NXPH1: variants seen among roughly 807,000 people sequenced by gnomAD.
The protein encoded by NXPH1 is neurexophilin-1.
Under a neutral mutation model 23.7 loss-of-function variants are expected in NXPH1, and 5 were observed. That is an observed-to-expected ratio of 0.21 (90% CI 0.11 to 0.44). The LOEUF (loss-of-function observed/expected upper bound fraction) is 0.44, where lower values mean the gene tolerates loss of function less well. Among genes scored for constraint, NXPH1 ranks in the 20% least tolerant of loss-of-function variants. NXPH1 has a pLI of 0.99. For synonymous variants in NXPH1, 144 were observed against 122.2 expected (o/e 1.18, Z -1.18); for missense variants, 324 against 321.6 (o/e 1.01, Z -0.06).
intron 2 of NXPH1, among the ~76,000 whole-genome samples, chr7:8,588,854 T>A (rs1807640742): frequency 6.6e-6 from 1 of 152,120 alleles, no homozygotes; most frequent in Non-Finnish European, 1.5e-5. Flanking sequence ...CCATAAAATT[T>A]AGAACACTTT....
intron 2 of NXPH1, among the ~76,000 whole-genome samples, chr7:8,607,075 C>T (rs367681371): frequency 5.3e-5 from 8 of 152,028 alleles, no homozygotes; most frequent in South Asian, 4.1e-4. Context: ...GACAAATATA[C>T]GGTTGGACTC....
rs1458522143 is a variant in NXPH1 at position 8,464,865 on chromosome 7, C to T, written c.54+29098C>T. ...CTCATTGGGATGGCATCCTTTATAG[C>T]CAAGGATTCATATGCCCATGTTCTG... On this transcript the variant is annotated intron_variant, in intron 2 of 2. Coordinates refer to ENST00000405863, the MANE Select transcript of NXPH1 (RefSeq NM_152745.3). Among the ~76,000 whole-genome samples, 3 of 152,214 alleles carry T rather than the reference C, an allele frequency of 2.0e-5. No homozygotes were observed. The East Asian group carries it at 5.8e-4, about 29-fold the overall frequency.
chr7:8,680,923 A>G (rs1432754534), intron 2 of NXPH1, among the ~76,000 whole-genome samples: 1 of 152,258 alleles, frequency 6.6e-6, no homozygotes, highest in East Asian at 1.9e-4. Flanking sequence ...TAAAGGTATC[A>G]GCAACCTTCT....
intron 2 of NXPH1, among the ~76,000 whole-genome samples, chr7:8,524,618 A>G (rs1464206569): frequency 6.6e-6 from 1 of 152,206 alleles, no homozygotes; most frequent in Non-Finnish European, 1.5e-5. Flanking sequence ...TTAACTTGAA[A>G]TATATCTCCC....
intron 2 of NXPH1, among the ~76,000 whole-genome samples, chr7:8,610,616 G>A (rs1819597149): frequency 6.6e-6 from 1 of 152,226 alleles, no homozygotes. Flanking sequence ...CCTTCCAGAT[G>A]TAGATCCCCA....
chr7:8,637,231 T>G (rs1820230783), intron 2 of NXPH1, among the ~76,000 whole-genome samples: 1 of 151,948 alleles, frequency 6.6e-6, no homozygotes, highest in African/African-American at 2.4e-5. Flanking sequence ...GACTCTTTTT[T>G]TTTTTTTGAG....
intron 2 of NXPH1, among the ~76,000 whole-genome samples, chr7:8,660,477 C>T (rs1751968373): frequency 1.3e-5 from 2 of 152,190 alleles, no homozygotes; most frequent in Non-Finnish European, 2.9e-5. Context: ...TAAGAACAAA[C>T]TTTCCCACAT....
intron 2 of NXPH1, among the ~76,000 whole-genome samples, chr7:8,742,041 G>T (rs1412355099): frequency 6.6e-6 from 1 of 151,996 alleles, no homozygotes; most frequent in African/African-American, 2.4e-5. Flanking sequence ...GTTAAGAAAG[G>T]GTCTAGTGAA....
intron 2 of NXPH1, among the ~76,000 whole-genome samples, chr7:8,650,791 G>T (rs1376657978): frequency 1.3e-5 from 2 of 152,028 alleles, no homozygotes; most frequent in Non-Finnish European, 2.9e-5. Flanking sequence ...TTGAAATAAA[G>T]GTAGAAGCCA....
At chr7:8,478,027 G>T in intron 2 of NXPH1, among the ~76,000 whole-genome samples, 1 of 151,978 alleles carries the variant, frequency 6.6e-6, no homozygotes, top group Non-Finnish European at 1.5e-5. Flanking sequence ...CTTATAGTAG[G>T]TGCTCTTTGG....
intron 2 of NXPH1, among the ~76,000 whole-genome samples, chr7:8,623,792 A>G (rs185796845): frequency 2.0e-5 from 3 of 147,708 alleles, no homozygotes; most frequent in African/African-American, 7.7e-5. Context: ...TTCTATCTGT[A>G]TCTATATTTA....
intron 2 of NXPH1, among the ~76,000 whole-genome samples, chr7:8,650,409 C>T (rs376884294): frequency 6.6e-6 from 1 of 152,120 alleles, no homozygotes; most frequent in African/African-American, 2.4e-5. Context: ...AGAAGGATGT[C>T]TTGTGATCTA....
intron 2 of NXPH1, among the ~76,000 whole-genome samples, chr7:8,509,345 G>A (rs1455919510): frequency 6.6e-6 from 1 of 152,104 alleles, no homozygotes; most frequent in Non-Finnish European, 1.5e-5. Flanking sequence ...ATGATGTGGT[G>A]GCTAGGATAA....
At chr7:8,458,683 GATGATTGCGGCATTTGGTTAACT>G (rs139597539) in intron 2 of NXPH1, among the ~76,000 whole-genome samples, 2,868 of 152,250 alleles carry the variant, frequency 0.019, 82 homozygotes, top group African/African-American at 0.066. Context: ...TATGTAAAGT[GATGATTGCGGCATTTGGTTAACT>G]ATTCAATAGA....
chr7:8,544,173 G>T (rs1214563560), intron 2 of NXPH1, among the ~76,000 whole-genome samples: 1 of 151,580 alleles, frequency 6.6e-6, no homozygotes, highest in Non-Finnish European at 1.5e-5. Flanking sequence ...TAATTTGAGT[G>T]ACTAAAAACT....
At chr7:8,553,821 C>T (rs1818313794) in intron 2 of NXPH1, among the ~76,000 whole-genome samples, 1 of 151,642 alleles carries the variant, frequency 6.6e-6, no homozygotes, top group Non-Finnish European at 1.5e-5. Flanking sequence ...AAAAATAAAA[C>T]AAACTACAGG....
At chr7:8,744,031 G>A (rs1158564272) in intron 2 of NXPH1, among the ~76,000 whole-genome samples, 3 of 152,132 alleles carry the variant, frequency 2.0e-5, no homozygotes, top group African/African-American at 7.2e-5. Context: ...ATCCAATGGT[G>A]GTTTTTTCTC....
At chr7:8,521,783 A>T (rs1396713756) in intron 2 of NXPH1, among the ~76,000 whole-genome samples, 1 of 152,202 alleles carries the variant, frequency 6.6e-6, no homozygotes, top group Non-Finnish European at 1.5e-5. Context: ...ACAAGCAGGT[A>T]GAAAAATAAT....
At chr7:8,590,904 A>G (rs949641140) in intron 2 of NXPH1, among the ~76,000 whole-genome samples, 2 of 152,028 alleles carry the variant, frequency 1.3e-5, no homozygotes, top group Admixed American at 6.6e-5. Flanking sequence ...TTTTAACTCA[A>G]TGGCTTTTTA....
Sources: gnomAD v4.1 joint callset for allele counts (sites outside exome capture counted in the v4.1 genomes callset) on GRCh38, gnomAD v4.1.1 for gene constraint, MANE v1.5 for transcripts, NCBI Gene and HGNC (gene_info 2026-07-23, HGNC 2026-07-21) for gene names.